Variants in SAMD12 observed in about 807,000 individuals in gnomAD.
SAMD12 encodes sterile alpha motif domain containing 12, also known as sterile alpha motif domain-containing protein 12.
SAMD12 carries 9 observed loss-of-function variants against 15.0 expected under a neutral mutation model. The observed-to-expected ratio is 0.60, with a 90% confidence interval of 0.36 to 1.05. The LOEUF (loss-of-function observed/expected upper bound fraction) is 1.05. Ranked by LOEUF, SAMD12 falls within the 50% of genes least tolerant of loss-of-function variation. The pLI is 0.01. For missense variants in SAMD12, 230 were observed against 234.2 expected, an observed-to-expected ratio of 0.98 and a Z score of 0.12; for synonymous variants, 86 against 90.1, an observed-to-expected ratio of 0.96 and a Z score of 0.25.
chr8:118,528,951 A>G (rs796284619), intron 2 of SAMD12, among the ~76,000 whole-genome samples: 3 of 152,304 alleles, frequency 2.0e-5, no homozygotes, highest in African/African-American at 7.2e-5. Context: ...CGTAAGGCAG[A>G]AAGAGAAAAA....
At chr8:118,521,920 C>T (rs991137666) in intron 2 of SAMD12, among the ~76,000 whole-genome samples, 2 of 151,962 alleles carry the variant, frequency 1.3e-5, no homozygotes, top group African/African-American at 4.8e-5. Flanking sequence ...TATAGGATTA[C>T]TCAACAAGGA....
chr8:118,533,237 T>A (rs144632800), intron 2 of SAMD12, among the ~76,000 whole-genome samples: 1 of 152,098 alleles, frequency 6.6e-6, no homozygotes, highest in Non-Finnish European at 1.5e-5. Flanking sequence ...AGTTTCCATG[T>A]AGTTGAGCGG....
intron 2 of SAMD12, among the ~76,000 whole-genome samples, chr8:118,455,067 C>T (rs184185654): frequency 6.6e-6 from 1 of 152,310 alleles, no homozygotes; most frequent in East Asian, 1.9e-4. Flanking sequence ...GTAGCTCACG[C>T]TGTCTCCCCA....
intron 3 of SAMD12, among the ~76,000 whole-genome samples, chr8:118,412,393 G>C (rs1286490376): frequency 2.0e-5 from 3 of 152,136 alleles, no homozygotes; most frequent in Admixed American, 6.5e-5. Flanking sequence ...TGAGTCTTGG[G>C]GTGGGAGGGT....
intron 2 of SAMD12, among the ~76,000 whole-genome samples, chr8:118,548,307 T>C (rs1166837844): frequency 6.6e-6 from 1 of 152,036 alleles, no homozygotes; most frequent in Non-Finnish European, 1.5e-5. Context: ...GGGTAATAGA[T>C]ATATGATTCC....
chr8:118,415,995 T>C (rs921815085), intron 3 of SAMD12, among the ~76,000 whole-genome samples: 12 of 151,292 alleles, frequency 7.9e-5, no homozygotes, highest in South Asian at 2.1e-4. Context: ...GCTTTCCCCC[T>C]TTTTTTTTCT....
Position 118,222,793 on chromosome 8 carries a change from C to T in SAMD12, c.434-25061G>A, listed in dbSNP as rs114509140. Reference sequence around the variant, plus strand: ...GCGCTGGGATTACAAGTGTGAGCCACGGCACCCGGCCGAGGAAGTGCATTT... The same window carrying T: ...GCGCTGGGATTACAAGTGTGAGCCATGGCACCCGGCCGAGGAAGTGCATTT... On this transcript the variant is annotated intron_variant, in intron 4 of 4. Coordinates refer to the SAMD12 transcript ENST00000409003. 4.0e-3 allele frequency among the ~76,000 whole-genome samples: 613 copies of T among 152,228 alleles called. 2 individuals carry two copies. The highest frequency in any genetic ancestry group is 8.4e-3 in the African/African-American group (351 of 41,540).
At chr8:118,537,494 G>A (rs138230002) in intron 2 of SAMD12, among the ~76,000 whole-genome samples, 3 of 152,106 alleles carry the variant, frequency 2.0e-5, no homozygotes, top group Non-Finnish European at 2.9e-5. Context: ...CTCTGACTGT[G>A]TATTTTCAAA....
At chr8:118,404,816 ACGCTTTTCATGTTTTTATTAT>A (rs1821048364) in intron 3 of SAMD12, among the ~76,000 whole-genome samples, 2 of 151,970 alleles carry the variant, frequency 1.3e-5, no homozygotes, top group Admixed American at 1.3e-4. Context: ...TACTTGTAAT[ACGCTTTTCATGTTTTTATTAT>A]TTTTAAGAGA....
intron 4 of SAMD12, among the ~76,000 whole-genome samples, chr8:118,359,047 TCTC>T (rs1445146558): frequency 1.3e-5 from 2 of 150,752 alleles, no homozygotes; most frequent in East Asian, 1.9e-4. Flanking sequence ...ATGTGTGTAT[TCTC>T]CTTCTTTAAC....
At chr8:118,160,395 AT>A in the SAMD12 span, among the ~76,000 whole-genome samples, 3 of 152,220 alleles carry the variant, frequency 2.0e-5, no homozygotes, top group East Asian at 3.8e-4. Context: ...AGCCAAATCA[AT>A]TTTCAAAACG....
At chr8:118,504,281 C>T (rs768632123) in intron 2 of SAMD12, among the ~76,000 whole-genome samples, 6 of 152,062 alleles carry the variant, frequency 3.9e-5, no homozygotes, top group South Asian at 4.2e-4. Context: ...TAAAGAAGCC[C>T]GGAGAAAAAC....
chr8:118,242,257 T>C (rs937526265), intron 4 of SAMD12, among the ~76,000 whole-genome samples: 2 of 152,146 alleles, frequency 1.3e-5, no homozygotes, highest in Non-Finnish European at 2.9e-5. Context: ...AATTTACATT[T>C]GGCAAAGGAA....
At chr8:118,181,583 T>C in the SAMD12 span, among the ~76,000 whole-genome samples, 1 of 152,208 alleles carries the variant, frequency 6.6e-6, no homozygotes, top group African/African-American at 2.4e-5. Context: ...AGAGGGTCTC[T>C]TTCTGCATAA....
chr8:118,288,749 C>T (rs2514933), intron 4 of SAMD12, among the ~76,000 whole-genome samples: 142,017 of 152,322 alleles, frequency 0.93, 66,331 homozygotes, highest in East Asian at 1. Context: ...ACTTCATATA[C>T]GATTACTAAC....
intron 4 of SAMD12, among the ~76,000 whole-genome samples, chr8:118,302,905 A>G (rs1471631426): frequency 6.6e-6 from 1 of 152,200 alleles, no homozygotes; most frequent in Admixed American, 6.5e-5. Context: ...ATTCTCATAT[A>G]TCTTTTCTCC....
chr8:118,199,361 T>G (rs1819649339), intron 4 of SAMD12, among the ~76,000 whole-genome samples: 1 of 152,208 alleles, frequency 6.6e-6, no homozygotes, highest in Non-Finnish European at 1.5e-5. Flanking sequence ...AACACCAATG[T>G]GCGTAAGATC....
intron 4 of SAMD12, among the ~76,000 whole-genome samples, chr8:118,198,623 T>G (rs1819630276): frequency 6.6e-6 from 1 of 152,172 alleles, no homozygotes; most frequent in Admixed American, 6.5e-5. Context: ...CTAACTGGCT[T>G]TTCAAAACAT....
chr8:118,492,521 A>G (rs1372296231), intron 2 of SAMD12, among the ~76,000 whole-genome samples: 1 of 152,122 alleles, frequency 6.6e-6, no homozygotes, highest in African/African-American at 2.4e-5. Context: ...TGAAGAAGCC[A>G]TTTCTTTGCT....
Sources: allele counts gnomAD v4.1 joint callset (sites outside exome capture counted in the v4.1 genomes callset), GRCh38; gene constraint gnomAD v4.1.1; transcripts MANE v1.5; gene names NCBI Gene and HGNC (gene_info 2026-07-23, HGNC 2026-07-21).